The following ZNF74 variants were observed in gnomAD, a reference collection of about 807,000 sequenced individuals.
ZNF74 encodes the protein zinc finger protein 74, also known as zinc finger protein 520.
Under a neutral mutation model 17.7 loss-of-function variants are expected in ZNF74, and 12 were observed. The ratio of observed to expected loss-of-function variants is 0.68; its 90% CI spans 0.43 to 1.10. The LOEUF is 1.10. ZNF74 is among the 50% of genes least tolerant of loss of function. ZNF74 has a pLI of 0.00. For synonymous variants in ZNF74, 358 were observed against 362.1 expected (o/e 0.99, Z 0.13); for missense variants, 811 against 881.0 (o/e 0.92, Z 1.01).
chr22:20,403,016 C>T (rs2052376394), intron 4 of ZNF74, among the ~76,000 whole-genome samples: 1 of 152,092 alleles, frequency 6.6e-6, no homozygotes, highest in Non-Finnish European at 1.5e-5. Context: ...GGAAGCACAG[C>T]ACTCACGCCG....
At chr22:20,402,016 T>C (rs1336626228) in intron 4 of ZNF74, among the ~76,000 whole-genome samples, 4 of 152,326 alleles carry the variant, frequency 2.6e-5, no homozygotes, top group Middle Eastern at 3.4e-3. Context: ...CTGCTTTTCT[T>C]CTCCAACATT....
At position 20,401,355 on chromosome 22, in the gene ZNF74, C is replaced by A. The variant is rs1350992580; in HGVS notation, c.326C>A (p.Pro109His). The A allele has an allele frequency of 8.7e-6, 14 of 1,607,170 alleles. No homozygotes were observed. The highest frequency in any genetic ancestry group is 1.1e-5 in the Non-Finnish European group (13 of 1,176,734). Residue 109 changes from proline (P) to histidine (H), a missense_variant, in exon 4 of 5, where the codon CCC becomes CAC. Physicochemically the swap from Pro to His is moderately conservative, Grantham distance 77. This residue lies in a region of ZNF74 where 666 missense variants were observed against 702.3 expected (regional missense o/e 0.95). Coordinates refer to ENST00000400451, the MANE Select transcript of ZNF74 (RefSeq NM_003426.4). This position sits in a 1 kb window ranked among gnomAD's most constrained non-coding sequence, Gnocchi z 4.2. ...CCATGGAGCATGCAGAGGGAAGTCCCCAGAGGGCCCTGTCCAGGTGAGCAG... is the reference window on the plus strand; with the variant it reads ...CCATGGAGCATGCAGAGGGAAGTCCACAGAGGGCCCTGTCCAGGTGAGCAG... Reference protein sequence around the residue: ...EEPWSMQREVPRGPCPEWELK... With the variant: ...EEPWSMQREVHRGPCPEWELK...
Position 20,394,775 on chromosome 22 carries a change from TTA to T in ZNF74, c.34+114_34+115del, listed in dbSNP as rs1491139405. On this transcript the variant is annotated intron_variant, in intron 1 of 4. Transcript: ENST00000400451. ...GCATCCAGCATCTTTTTTTTTTTTT[TTA>T]AATGGAATCTCACTCTGTCACCCAG... The T allele has an allele frequency of 2.6e-5, 28 of 1,082,268 alleles. No individual in the cohort carries two copies. The African/African-American group carries it at 2.9e-4, about 11-fold the overall frequency. The allele number at this position is 1,082,268 out of a possible 1,614,324, so 67.0% of individuals were successfully genotyped here. A position where few individuals can be genotyped will look rare whatever the true frequency, so the allele number is the denominator to read the frequency against.
In ZNF74 at chr22:20,406,068, G is replaced by C. The variant is rs779510438; in HGVS notation, c.1035G>C (p.Ser345=). The part of the protein sequence containing the change: ...SACEKAFSCS[S]LLSMHLRVHT... ...GCGAGAAGGCCTTCAGCTGCAGCTC[G>C]CTGCTCAGCATGCACCTGCGGGTGC... Residue 345 remains serine (S), a synonymous_variant, in exon 5 of 5, where the codon TCG becomes TCC. Transcript: ENST00000400451. 4.3e-6 allele frequency: 7 copies of C among 1,610,826 alleles called. No homozygotes were observed. Among genetic ancestry groups the C allele is most frequent in the Non-Finnish European group, 5.9e-6 (7 of 1,179,224 alleles).
In ZNF74 at chr22:20,406,557, C is replaced by T. The variant is rs1306961592; in HGVS notation, c.1524C>T (p.Ala508=). Residue 508 remains alanine, a synonymous_variant, in exon 5 of 5, where the codon GCC becomes GCT. Transcript: ENST00000400451. ...KPFDCSQCWK[A]FSCHSSLIVH... ...TCGACTGCAGCCAGTGTTGGAAGGCCTTCAGCTGCCACTCGTCCCTCATCG... is the reference window on the plus strand; with the variant it reads ...TCGACTGCAGCCAGTGTTGGAAGGCTTTCAGCTGCCACTCGTCCCTCATCG... 6.2e-7 allele frequency: 1 copy of T among 1,614,194 alleles called. No individual in the cohort carries two copies. Among genetic ancestry groups the T allele is most frequent in the Non-Finnish European group, 8.5e-7 (1 of 1,180,024 alleles).
intron 2 of ZNF74, among the ~76,000 whole-genome samples, chr22:20,398,316 CAAAAAAAAAAAAA>C (rs362022): frequency 4.0e-4 from 51 of 128,084 alleles, no homozygotes; most frequent in East Asian, 6.1e-4. Flanking sequence ...GACCATGTCT[CAAAAAAAAAAAAA>C]AAAAAAAAAA....
Position 20,406,353 on chromosome 22 carries a change from C to A in ZNF74, c.1320C>A (p.Gly440=), listed in dbSNP as rs763684042. The A allele has an allele frequency of 2.5e-6, 4 of 1,613,148 alleles. No homozygotes were observed. In the Admixed American group the frequency reaches 6.7e-5, roughly 27 times the overall value. The part of the protein sequence containing the change: ...RLTLHQRTHT[G]EKPFKCADCG... ...CCCTCCACCAGAGGACGCACACGGG[C>A]GAGAAGCCCTTCAAGTGCGCCGACT... The change falls in exon 5 of 5, where the codon GGC becomes GGA. Residue 440 remains glycine, a synonymous_variant. Coordinates refer to ENST00000400451, the MANE Select transcript of ZNF74 (RefSeq NM_003426.4).
At position 20,406,804 on chromosome 22, in the gene ZNF74, C is replaced by CACCT; in HGVS notation, c.1772_1775dup (p.Leu593ProfsTer56). The CACCT allele has an allele frequency of 5.0e-6, 8 of 1,614,126 alleles. No individual in the cohort carries two copies. The highest frequency in any genetic ancestry group is 6.8e-6 in the Non-Finnish European group (8 of 1,180,032). On this transcript the variant is annotated frameshift_variant, in exon 5 of 5. Coordinates refer to ENST00000400451, the MANE Select transcript of ZNF74 (RefSeq NM_003426.4). LOFTEE classifies it low-confidence loss of function (END_TRUNC). ...GCCCTTGGCCATCCAGTTCAACAAA[C>CACCT]ACCTGCTCAGCACATACTACGTGCC...
In ZNF74 at chr22:20,401,717, C is replaced by T. The variant is rs1353352058; in HGVS notation, c.343+345C>T. Among the ~76,000 whole-genome samples the T allele has an allele frequency of 1.3e-5, 2 of 150,792 alleles. No individual in the cohort carries two copies. Among genetic ancestry groups the T allele is most frequent in the Admixed American group, 6.6e-5 (1 of 15,212 alleles). On this transcript the variant is annotated intron_variant, in intron 4 of 4. Coordinates refer to ENST00000400451, the MANE Select transcript of ZNF74 (RefSeq NM_003426.4). The surrounding 1 kb of genome is among the most constrained non-coding windows in gnomAD (Gnocchi z 4.2). ...GGGCCACCAGGGAAGGGGCAGCTGG[C>T]GTTGGTCAGTGTCAGGGTCAGCATG...
intron 4 of ZNF74, among the ~76,000 whole-genome samples, chr22:20,403,059 G>A (rs1300804115): frequency 6.6e-6 from 1 of 152,148 alleles, no homozygotes; most frequent in Non-Finnish European, 1.5e-5. Flanking sequence ...ATGGCATAGT[G>A]AGCGTCCTCA....
intron 4 of ZNF74, among the ~76,000 whole-genome samples, chr22:20,402,660 G>A (rs1203808070): frequency 1.3e-5 from 2 of 152,136 alleles, no homozygotes; most frequent in Admixed American, 6.5e-5. Context: ...AATTAGCTGG[G>A]CATGGTGGTG....
intron 1 of ZNF74, 140 bp from the exon 2 acceptor site, chr22:20,395,193 G>C: frequency 1.6e-6 from 1 of 626,828 alleles, no homozygotes; most frequent in Non-Finnish European, 2.9e-6. Context: ...GTTGGTGCTA[G>C]CTACTGGGGC....
chr22:20,405,848 G>A lies in ZNF74; in HGVS notation c.815G>A (p.Arg272Gln), dbSNP rs751936812. Residue 272 changes from arginine (R) to glutamine (Q), a missense_variant, in exon 5 of 5, where the codon CGG (arginine) becomes CAG (glutamine). Around this residue, in one of 3 missense-constraint regions of ZNF74, gnomAD observed 666 missense variants for 702.3 expected, o/e 0.95. Transcript: ENST00000400451. ...ACGCTGCACCGGCGCTGGCACAGCC[G>A]GGAGAAGGCTTACAAGTGCGATGAA... is the stretch of plus-strand genomic sequence containing the variant. ...SLTLHRRWHS[R>Q]EKAYKCDECG... 1.2e-5 allele frequency: 20 copies of A among 1,613,590 alleles called. No homozygotes were observed. The South Asian group carries it at 1.3e-4, about 11-fold the overall frequency.
Position 20,401,568 on chromosome 22 carries a change from A to G in ZNF74, c.343+196A>G, listed in dbSNP as rs182304021. Reference sequence around the variant, plus strand: ...GTGCTGAGACCTGTTCTGGGATACAACAGGGAACAAACCTGGCCACTGGGA... The same window carrying G: ...GTGCTGAGACCTGTTCTGGGATACAGCAGGGAACAAACCTGGCCACTGGGA... On this transcript the variant is annotated intron_variant, in intron 4 of 4. Transcript: ENST00000400451. This position sits in a 1 kb window ranked among gnomAD's most constrained non-coding sequence, Gnocchi z 4.2. Among the ~76,000 whole-genome samples, 22 of 152,284 alleles carry G rather than the reference A, an allele frequency of 1.4e-4. 1 individual carries two copies. In the East Asian group the frequency reaches 4.1e-3, roughly 28 times the overall value.
chr22:20,399,156 A>C (rs1327746955), intron 2 of ZNF74, among the ~76,000 whole-genome samples: 1 of 152,160 alleles, frequency 6.6e-6, no homozygotes, highest in Non-Finnish European at 1.5e-5. Context: ...TGTTGGTTAG[A>C]GTGTTATGTA....
Position 20,406,050 on chromosome 22 carries a change from G to A in ZNF74, c.1017G>A (p.Lys339=), listed in dbSNP as rs541114115. 9.3e-6 allele frequency: 15 copies of A among 1,613,208 alleles called. No homozygotes were observed. The highest frequency in any genetic ancestry group is 1.3e-5 in the Non-Finnish European group (15 of 1,179,716). ...ERPYKCSACE[K]AFSCSSLLSM... ...CCTACAAGTGCAGCGCCTGCGAGAAGGCCTTCAGCTGCAGCTCGCTGCTCA... is the reference window on the plus strand; with the variant it reads ...CCTACAAGTGCAGCGCCTGCGAGAAAGCCTTCAGCTGCAGCTCGCTGCTCA... The change falls in exon 5 of 5, where the codon AAG becomes AAA. Residue 339 remains lysine, a synonymous_variant. Coordinates refer to ENST00000400451, the MANE Select transcript of ZNF74 (RefSeq NM_003426.4).
At chr22:20,394,752 A>G (rs35012563) in intron 1 of ZNF74, 90 bp downstream of exon 1, 300,167 of 1,252,514 alleles carry the variant, frequency 0.24, 40,970 homozygotes, top group South Asian at 0.29. Context: ...TCCCAGAAGC[A>G]TCCAGCATCT....
chr22:20,404,655 TG>T (rs2052392750), intron 4 of ZNF74, among the ~76,000 whole-genome samples: 1 of 152,178 alleles, frequency 6.6e-6, no homozygotes, highest in Admixed American at 6.5e-5. Context: ...AGTTACATCT[TG>T]GACTCGACTC....
chr22:20,395,811 A>G (rs1466451469), intron 2 of ZNF74, among the ~76,000 whole-genome samples: 12 of 152,158 alleles, frequency 7.9e-5, no homozygotes, highest in Admixed American at 7.9e-4. Flanking sequence ...TGGGACTGGA[A>G]TCAGACAGGG....
Sources: gnomAD v4.1 joint callset for allele counts (sites outside exome capture counted in the v4.1 genomes callset) on GRCh38, gnomAD v4.1.1 for gene constraint, gnomAD v4.1.1 regional missense constraint, Gnocchi (gnomAD v3.1) non-coding constraint, MANE v1.5 for transcripts, NCBI Gene and HGNC (gene_info 2026-07-23, HGNC 2026-07-21) for gene names.